ZNF652: variants seen among roughly 807,000 people sequenced by gnomAD.
The protein encoded by ZNF652 is zinc finger protein 652.
In ZNF652, 16 loss-of-function variants were observed where a neutral mutation model predicts 45.2. That is an observed-to-expected ratio of 0.35 (90% CI 0.24 to 0.54). The LOEUF (loss-of-function observed/expected upper bound fraction) is 0.54. Ranked by LOEUF, ZNF652 falls within the 20% of genes least tolerant of loss-of-function variation. The pLI is 0.91. For missense variants in ZNF652, 614 were observed against 765.6 expected, an observed-to-expected ratio of 0.80 and a Z score of 2.34; for synonymous variants, 250 against 260.6, an observed-to-expected ratio of 0.96 and a Z score of 0.39.
chr17:49,351,027 A>ATATATG (rs2070275947), intron 1 of ZNF652, among the ~76,000 whole-genome samples: 7 of 85,730 alleles, frequency 8.2e-5, no homozygotes, highest in Non-Finnish European at 1.3e-4. Flanking sequence ...ACACACACAC[A>ATATATG]CACACACACA....
intron 1 of ZNF652, among the ~76,000 whole-genome samples, chr17:49,333,563 A>AAAAAAAAT (rs2070048255): frequency 7.1e-6 from 1 of 141,270 alleles, no homozygotes; most frequent in Non-Finnish European, 1.6e-5. Flanking sequence ...AAAAAAAAAA[A>AAAAAAAAT]AAAAAAATTA....
chr17:49,330,452 ATGTT>A (rs2070010716), intron 1 of ZNF652, among the ~76,000 whole-genome samples: 1 of 84,656 alleles, frequency 1.2e-5, no homozygotes, highest in Non-Finnish European at 2.8e-5. Context: ...ACCACAGCTA[ATGTT>A]TAATTTTAAT....
At chr17:49,318,004 G>GA in intron 1 of ZNF652, 21 bp from the exon 2 acceptor site, 1 of 297,238 alleles carries the variant, frequency 3.4e-6, no homozygotes, top group Non-Finnish European at 6.2e-6. Context: ...AAGCAAAGAG[G>GA]AAAAAAATCA....
chr17:49,313,234 C>A (rs893488437), intron 2 of ZNF652, among the ~76,000 whole-genome samples: 1 of 152,164 alleles, frequency 6.6e-6, no homozygotes, highest in Non-Finnish European at 1.5e-5. Flanking sequence ...AGGCTCACTG[C>A]AACCTCCACC....
chr17:49,324,025 A>G (rs903983002), intron 1 of ZNF652, among the ~76,000 whole-genome samples: 8 of 152,220 alleles, frequency 5.3e-5, no homozygotes, highest in Non-Finnish European at 1.0e-4. Flanking sequence ...TTTTGAAGCC[A>G]GGCATTCACT....
At chr17:49,343,732 C>T (rs4566222) in intron 1 of ZNF652, among the ~76,000 whole-genome samples, 117,077 of 151,358 alleles carry the variant, frequency 0.77, 45,420 homozygotes, top group African/African-American at 0.82. Flanking sequence ...ACCGAGCAGG[C>T]TGCCCAGAGC....
At chr17:49,322,366 A>G (rs1328301044) in intron 1 of ZNF652, 1 of 152,244 alleles carries the variant, frequency 6.6e-6, no homozygotes, top group Non-Finnish European at 1.5e-5. Flanking sequence ...GAAAAAAGCT[A>G]AACACTCTAC....
At chr17:49,342,354 A>C (rs2143030498) in intron 1 of ZNF652, among the ~76,000 whole-genome samples, 1 of 152,184 alleles carries the variant, frequency 6.6e-6, no homozygotes, top group Admixed American at 6.5e-5. Flanking sequence ...AAAATGTGAA[A>C]CCACTCCAAA....
At position 49,289,340 on chromosome 17, in the gene ZNF652, T is replaced by G. The variant is rs188993594; in HGVS notation, c.*9073A>C. 6.6e-6 allele frequency: 1 copy of G among 151,848 alleles called. No individual in the cohort carries two copies. The highest frequency in any genetic ancestry group is 2.1e-4 in the South Asian group (1 of 4,822). 9.4% of individuals were successfully genotyped at this position (151,848 alleles called of 1,614,324 possible). Reference sequence around the variant, plus strand: ...ACCAGAGTCTCACAAGAATAAAATATACAATGCTACATTGAGTGGTTAAAA... The same window carrying G: ...ACCAGAGTCTCACAAGAATAAAATAGACAATGCTACATTGAGTGGTTAAAA... On this transcript the variant is annotated 3_prime_UTR_variant, in exon 6 of 6. Transcript: ENST00000430262.
At chr17:49,340,549 CA>C (rs1040246588) in intron 1 of ZNF652, among the ~76,000 whole-genome samples, 890 of 50,132 alleles carry the variant, frequency 0.018, 2 homozygotes, top group African/African-American at 0.025. Context: ...GACTCTGTCT[CA>C]AAAAAAAAAA....
intron 1 of ZNF652, among the ~76,000 whole-genome samples, chr17:49,321,505 G>A (rs1179842197): frequency 2.1e-5 from 3 of 144,186 alleles, no homozygotes; most frequent in African/African-American, 5.2e-5. Context: ...CCTGACCACA[G>A]GTGATCCACC....
chr17:49,344,304 G>A (rs935524432), intron 1 of ZNF652, among the ~76,000 whole-genome samples: 2 of 151,788 alleles, frequency 1.3e-5, no homozygotes, highest in African/African-American at 4.8e-5. Context: ...GTTCAAAGTT[G>A]CAATGAGCTG....
At chr17:49,342,186 C>CAA (rs145479796) in intron 1 of ZNF652, among the ~76,000 whole-genome samples, 3 of 110,956 alleles carry the variant, frequency 2.7e-5, no homozygotes, top group African/African-American at 3.4e-5. Context: ...GACTCAGTCT[C>CAA]AAAAAAAAAA....
At chr17:49,329,602 C>G (rs1308551926) in intron 1 of ZNF652, among the ~76,000 whole-genome samples, 2 of 152,164 alleles carry the variant, frequency 1.3e-5, no homozygotes, top group Non-Finnish European at 2.9e-5. Context: ...TGTAATATGT[C>G]AAACAATTTT....
At chr17:49,356,685 A>T (rs2070340998) in intron 1 of ZNF652, among the ~76,000 whole-genome samples, 1 of 151,972 alleles carries the variant, frequency 6.6e-6, no homozygotes, top group Non-Finnish European at 1.5e-5. Context: ...GCAATCCAAT[A>T]CTAGTGACTG....
chr17:49,357,124 C>T (rs1363213766), intron 1 of ZNF652, among the ~76,000 whole-genome samples: 1 of 151,916 alleles, frequency 6.6e-6, no homozygotes. Flanking sequence ...TGGTGAAACC[C>T]CATCTTTACT....
In ZNF652 at chr17:49,298,018, T is replaced by C. The variant is rs150089822; in HGVS notation, c.*395A>G. The C allele has an allele frequency of 1.6e-4, 31 of 199,864 alleles. No homozygotes were observed. The highest frequency in any genetic ancestry group is 6.9e-4 in the African/African-American group (29 of 42,286). 12.4% of individuals were successfully genotyped at this position (199,864 alleles called of 1,614,324 possible). A position where few individuals can be genotyped will look rare whatever the true frequency, so the allele number is the denominator to read the frequency against. On this transcript the variant is annotated 3_prime_UTR_variant, in exon 6 of 6. Coordinates refer to ENST00000430262, the MANE Select transcript of ZNF652 (RefSeq NM_001145365.3). Reference sequence around the variant, plus strand: ...ACAGTGATACAATTAATGCTCTGGATTAATCTCACAGCCTTCCCGATTAGT... The same window carrying C: ...ACAGTGATACAATTAATGCTCTGGACTAATCTCACAGCCTTCCCGATTAGT...
chr17:49,336,323 CTTT>C (rs771233496), intron 1 of ZNF652, among the ~76,000 whole-genome samples: 6 of 123,580 alleles, frequency 4.9e-5, no homozygotes, highest in African/African-American at 6.2e-5. Flanking sequence ...ATGCCCAGCC[CTTT>C]TTTTTTTTTT....
chr17:49,358,305 C>A (rs2070358668), intron 1 of ZNF652, among the ~76,000 whole-genome samples: 7 of 152,142 alleles, frequency 4.6e-5, no homozygotes. Context: ...TCACCTCTAT[C>A]GAAGTAAATT....
Sources: allele counts gnomAD v4.1 joint callset (sites outside exome capture counted in the v4.1 genomes callset), GRCh38; gene constraint gnomAD v4.1.1; transcripts MANE v1.5; gene names NCBI Gene and HGNC (gene_info 2026-07-23, HGNC 2026-07-21).